DBNL: variants seen among roughly 807,000 people sequenced by gnomAD.
DBNL encodes the protein drebrin-like protein.
Under a neutral mutation model 62.2 loss-of-function variants are expected in DBNL, and 35 were observed. The observed-to-expected ratio is 0.56, with a 90% CI of 0.43 to 0.75. The LOEUF is 0.75. DBNL is among the 30% of genes least tolerant of loss of function. DBNL has a pLI of 0.00. For synonymous variants in DBNL, 197 were observed against 218.0 expected (o/e 0.90, Z 0.85); for missense variants, 495 against 578.4 (o/e 0.86, Z 1.48).
intron 1 of DBNL, among the ~76,000 whole-genome samples, chr7:44,045,421 A>G (rs749935679): frequency 2.6e-5 from 4 of 152,248 alleles, no homozygotes; most frequent in Non-Finnish European, 4.4e-5. Context: ...TGCCTGAGCC[A>G]TGGGAAGATG....
In DBNL at chr7:44,058,624, G is replaced by A. The variant is rs562548815; in HGVS notation, c.753+144G>A. The stretch of plus-strand genomic sequence containing the variant: ...AGGTTGGAATCTGGGCACCTCAAGA[G>A]GTGGCAGTAGAGAGGAAAGCCAAAG... On this transcript the variant is annotated intron_variant, in intron 8 of 12. Coordinates refer to ENST00000448521, the MANE Select transcript of DBNL (RefSeq NM_001014436.3). 4.6e-5 allele frequency: 54 copies of A among 1,165,680 alleles called. 1 individual carries two copies. In the South Asian group the frequency reaches 5.4e-4, roughly 12 times the overall value. 72.2% of individuals were successfully genotyped at this position (1,165,680 alleles called of 1,614,324 possible).
In DBNL at chr7:44,061,851, C is replaced by G. The variant is rs1282442109; in HGVS notation, c.*935C>G. The G allele has an allele frequency of 6.6e-6, 1 of 152,314 alleles. No individual in the cohort carries two copies. Among genetic ancestry groups the G allele is most frequent in the Non-Finnish European group, 1.5e-5 (1 of 68,110 alleles). 9.4% of individuals were successfully genotyped at this position (152,314 alleles called of 1,614,324 possible). On this transcript the variant is annotated 3_prime_UTR_variant, in exon 13 of 13. Coordinates refer to ENST00000448521, the MANE Select transcript of DBNL (RefSeq NM_001014436.3). ...CGTGTCTGGGGTGAGCACCCTCACCCTGAGACTGTGGCTGATGATGATCAG... is the reference window on the plus strand; with the variant it reads ...CGTGTCTGGGGTGAGCACCCTCACCGTGAGACTGTGGCTGATGATGATCAG...
intron 7 of DBNL, 64 bp from the exon 8 acceptor site, chr7:44,058,368 A>AGGGGTGTGGCATGAGAAGCTG: frequency 6.2e-7 from 1 of 1,612,862 alleles, no homozygotes; most frequent in Non-Finnish European, 8.5e-7. Context: ...AGGAGGACTA[A>AGGGGTGTGGCATGAGAAGCTG]GGGGTGTGGC....
intron 4 of DBNL, among the ~76,000 whole-genome samples, chr7:44,055,226 G>A (rs6970425): frequency 0.27 from 40,753 of 151,954 alleles, 5,633 homozygotes; most frequent in African/African-American, 0.33. Context: ...AGCAGTTTGG[G>A]AGGCCAAGGT....
In DBNL at chr7:44,060,744, CCT is replaced by C; in HGVS notation, c.1154-32_1154-31del. ...AGCAGGTGGGATGTGGGAGGGAGCC[CCT>C]GATATGCATCTGGGCTCATCCTCTT... On this transcript the variant is annotated intron_variant, in intron 12 of 12. Transcript: ENST00000448521. The surrounding 1 kb of genome is among the most constrained non-coding windows in gnomAD (Gnocchi z 6.3). The C allele has an allele frequency of 6.2e-7, 1 of 1,604,050 alleles. No homozygotes were observed. Among genetic ancestry groups the C allele is most frequent in the Non-Finnish European group, 8.5e-7 (1 of 1,172,934 alleles).
At position 44,060,247 on chromosome 7, in the gene DBNL, G is replaced by A. The variant is rs1484236063; in HGVS notation, c.1153+94G>A. The A allele has an allele frequency of 5.2e-6, 6 of 1,161,952 alleles. No homozygotes were observed. The African/African-American group carries it at 7.6e-5, about 15-fold the overall frequency. The allele number at this position is 1,161,952 out of a possible 1,614,324, so 72.0% of individuals were successfully genotyped here. On this transcript the variant is annotated intron_variant, in intron 12 of 12. Coordinates refer to ENST00000448521, the MANE Select transcript of DBNL (RefSeq NM_001014436.3). The surrounding 1 kb of genome is among the most constrained non-coding windows in gnomAD (Gnocchi z 6.3). ...TTTTATGGGAAGATGGCACCAGGGG[G>A]TATCAGGAAGAGAAGACAGGAGGGT...
At chr7:44,052,987 C>A in intron 4 of DBNL, 46 bp downstream of exon 4, 1 of 1,591,560 alleles carries the variant, frequency 6.3e-7, no homozygotes, top group Non-Finnish European at 8.5e-7. Context: ...GCCTCACAGG[C>A]TTGAGGTCTC....
intron 3 of DBNL, among the ~76,000 whole-genome samples, chr7:44,052,509 C>T (rs994004829): frequency 7.3e-5 from 11 of 151,648 alleles, no homozygotes; most frequent in African/African-American, 2.4e-4. Context: ...ACTCAGGAGG[C>T]TGAGGCAAGA....
At position 44,065,275 on chromosome 7, in the gene DBNL, C is replaced by G; in HGVS notation, c.*4359C>G. On this transcript the variant is annotated 3_prime_UTR_variant, in exon 13 of 13. Coordinates refer to ENST00000448521, the MANE Select transcript of DBNL (RefSeq NM_001014436.3). ...CCCCGTAATGCCGCTCATTGAGGCGCCAAGTGCGCACCACAGGCAGCCACA... is the reference window on the plus strand; with the variant it reads ...CCCCGTAATGCCGCTCATTGAGGCGGCAAGTGCGCACCACAGGCAGCCACA... 1 of 1,613,734 alleles carries G rather than the reference C, an allele frequency of 6.2e-7. No homozygotes were observed. Among genetic ancestry groups the G allele is most frequent in the Non-Finnish European group, 8.5e-7 (1 of 1,180,048 alleles).
In DBNL at chr7:44,058,165, C is replaced by A; in HGVS notation, c.589C>A (p.Arg197=). 1 of 1,555,778 alleles carries A rather than the reference C, an allele frequency of 6.4e-7. No homozygotes were observed. Among genetic ancestry groups the A allele is most frequent in the Non-Finnish European group, 8.7e-7 (1 of 1,150,172 alleles). The change falls in exon 7 of 13, where the codon CGG becomes AGG. Residue 197 remains arginine, a synonymous_variant. Coordinates refer to ENST00000448521, the MANE Select transcript of DBNL (RefSeq NM_001014436.3). ...EENRRLEEKR[R]AEEAQRQLEQ... Reference sequence around the variant, plus strand: ...GAACCGTCGGCTGGAGGAAAAGCGGCGGGCCGAGGAGGCACAGCGGCAGCT... The same window carrying A: ...GAACCGTCGGCTGGAGGAAAAGCGGAGGGCCGAGGAGGCACAGCGGCAGCT...
At chr7:44,044,990 T>G in intron 1 of DBNL, 170 bp downstream of exon 1, 1 of 590,518 alleles carries the variant, frequency 1.7e-6, no homozygotes, top group Non-Finnish European at 2.7e-6. Context: ...GAGTGCTGTC[T>G]CACCCTCGTG....
chr7:44,050,126 C>A, intron 1 of DBNL, 99 bp from the exon 2 acceptor site: 1 of 1,389,418 alleles, frequency 7.2e-7, no homozygotes, highest in Non-Finnish European at 1.0e-6. Flanking sequence ...TACTGTCAGC[C>A]CAAGCTCTTT....
At chr7:44,051,692 A>T (rs1482171897) in intron 2 of DBNL, 138 bp from the exon 3 acceptor site, 9 of 706,398 alleles carry the variant, frequency 1.3e-5, no homozygotes, top group Non-Finnish European at 2.1e-5. Flanking sequence ...GATTTTAAAC[A>T]TACCCCTAGA....
rs771138867 is a variant in DBNL, at chr7:44,057,820, T to G, written c.513T>G (p.Ile171Met). The change falls in exon 6 of 13, where the codon ATT (isoleucine) becomes ATG (methionine). Residue 171 changes from isoleucine (I) to methionine (M), a missense_variant. Ile to Met is a conservative substitution (Grantham distance 10). Coordinates refer to ENST00000448521, the MANE Select transcript of DBNL (RefSeq NM_001014436.3). The stretch of plus-strand genomic sequence containing the variant: ...AGAAGACCAATGCCGTGTCTGAGAT[T>G]AAAAGGGTTGGTAAAGACAGCTTCT... ...VYQKTNAVSEIKRVGKDSFWA... is the reference protein window; with the variant it reads ...VYQKTNAVSEMKRVGKDSFWA... The G allele has an allele frequency of 6.2e-7, 1 of 1,614,048 alleles. No homozygotes were observed. Among genetic ancestry groups the G allele is most frequent in the Non-Finnish European group, 8.5e-7 (1 of 1,180,028 alleles).
Position 44,060,172 on chromosome 7 carries a change from G to C in DBNL, c.1153+19G>C. The C allele has an allele frequency of 1.3e-6, 2 of 1,598,084 alleles. No individual in the cohort carries two copies. The highest frequency in any genetic ancestry group is 1.7e-6 in the Non-Finnish European group (2 of 1,167,628). On this transcript the variant is annotated intron_variant, in intron 12 of 12. Transcript: ENST00000448521. This position sits in a 1 kb window ranked among gnomAD's most constrained non-coding sequence, Gnocchi z 6.3. ...CAGGCAGGTAAGGTGCCCTGGCCTG[G>C]CTGGCACAGACCACAGGGTCCTGAG...
At chr7:44,052,300 C>T (rs1430463173) in intron 3 of DBNL, among the ~76,000 whole-genome samples, 3 of 151,904 alleles carry the variant, frequency 2.0e-5, no homozygotes, top group Non-Finnish European at 2.9e-5. Context: ...TCCTTGATCC[C>T]TTGGTGGGGA....
intron 4 of DBNL, among the ~76,000 whole-genome samples, chr7:44,053,368 C>T (rs2096129947): frequency 6.6e-6 from 1 of 152,172 alleles, no homozygotes. Context: ...TATGTCAGTC[C>T]TATAATAGAA....
chr7:44,068,876 T>G lies in DBNL; in HGVS notation c.*7960T>G, dbSNP rs2096164238. On this transcript the variant is annotated 3_prime_UTR_variant, in exon 13 of 13. Coordinates refer to ENST00000448521, the MANE Select transcript of DBNL (RefSeq NM_001014436.3). ...ACATCATAAAGAAACTTCTGAAAAC[T>G]AAAGACCAAGAAAAATAAGATCAGC... 1 of 152,074 alleles carries G rather than the reference T, an allele frequency of 6.6e-6. No individual in the cohort carries two copies. Among genetic ancestry groups the G allele is most frequent in the African/African-American group, 2.4e-5 (1 of 41,406 alleles). The allele number at this position is 152,074 out of a possible 1,614,324, so 9.4% of individuals were successfully genotyped here. A position where few individuals can be genotyped will look rare whatever the true frequency, so the allele number is the denominator to read the frequency against.
Position 44,064,804 on chromosome 7 carries a change from C to CA in DBNL, c.*3888_*3889insA. The CA allele has an allele frequency of 2.1e-6, 3 of 1,437,728 alleles. No homozygotes were observed. Among genetic ancestry groups the CA allele is most frequent in the East Asian group, 2.4e-5 (1 of 41,988 alleles). 89.1% of individuals were successfully genotyped at this position (1,437,728 alleles called of 1,614,324 possible). A position where few individuals can be genotyped will look rare whatever the true frequency, so the allele number is the denominator to read the frequency against. ...CAGCTGGGGCTGCTGCCCACCCACC[C>CA]TGCCCAGGCTCCTGAAGGTGGCCTC... On this transcript the variant is annotated 3_prime_UTR_variant, in exon 13 of 13. Coordinates refer to ENST00000448521, the MANE Select transcript of DBNL (RefSeq NM_001014436.3).
Sources: gnomAD v4.1 joint callset for allele counts (sites outside exome capture counted in the v4.1 genomes callset) on GRCh38, gnomAD v4.1.1 for gene constraint, Gnocchi (gnomAD v3.1) non-coding constraint, MANE v1.5 for transcripts, NCBI Gene and HGNC (gene_info 2026-07-23, HGNC 2026-07-21) for gene names.